The following CDC37 variants were observed in gnomAD, a reference collection of about 807,000 sequenced individuals.
The protein encoded by CDC37 is cell division cycle 37, HSP90 cochaperone.
Under a neutral mutation model 46.9 loss-of-function variants are expected in CDC37, and 9 were observed. The observed-to-expected ratio is 0.19, with a 90% CI of 0.12 to 0.33. The LOEUF (loss-of-function observed/expected upper bound fraction) is 0.33. Ranked by LOEUF, CDC37 falls within the 10% of genes least tolerant of loss-of-function variation. The probability of loss-of-function intolerance (pLI) is 1.00; values close to 1 mark genes in which losing one functional copy is unlikely to be tolerated. For synonymous variants in CDC37, 193 were observed against 191.0 expected, an observed-to-expected ratio of 1.01 and a Z score of -0.09; for missense variants, 388 against 514.6, an observed-to-expected ratio of 0.75 and a Z score of 2.38.
intron 1 of CDC37, among the ~76,000 whole-genome samples, chr19:10,397,484 C>T (rs898717995): frequency 6.9e-6 from 1 of 144,832 alleles, no homozygotes; most frequent in Non-Finnish European, 1.5e-5. Flanking sequence ...GATCTTGGCT[C>T]ACTGCAACCT....
At position 10,395,411 on chromosome 19, in the gene CDC37, C is replaced by T. The variant is rs755937670; in HGVS notation, c.487+24G>A. The T allele has an allele frequency of 2.5e-6, 4 of 1,608,920 alleles. No individual in the cohort carries two copies. In the African/African-American group the frequency reaches 4.0e-5, roughly 16 times the overall value. On this transcript the variant is annotated intron_variant, in intron 3 of 7. Coordinates refer to ENST00000222005, the MANE Select transcript of CDC37 (RefSeq NM_007065.4). Reference sequence around the variant, plus strand: ...AAAGGGCCTGCCTCGACCTTGCCCCCCATAACCCACAAGCCCCACTCACCA... The same window carrying T: ...AAAGGGCCTGCCTCGACCTTGCCCCTCATAACCCACAAGCCCCACTCACCA...
chr19:10,391,613 G>A lies in CDC37; in HGVS notation c.1075C>T (p.Pro359Ser). The change falls in exon 8 of 8, where the codon CCT (proline) becomes TCT (serine). Residue 359 changes from proline to serine, a missense_variant. Around this residue, in one of 2 missense-constraint regions of CDC37, gnomAD observed 374 missense variants for 467.4 expected, o/e 0.80. Coordinates refer to ENST00000222005, the MANE Select transcript of CDC37 (RefSeq NM_007065.4). ...ACAGCTTCCAGTAATGGGTCCCCAGGACCTGCCTCCTCTCCCTCCTTGGCC... is the reference window on the plus strand; with the variant it reads ...ACAGCTTCCAGTAATGGGTCCCCAGAACCTGCCTCCTCTCCCTCCTTGGCC... ...SEAKEGEEAGPGDPLLEAVPK... is the reference protein window; with the variant it reads ...SEAKEGEEAGSGDPLLEAVPK... 1 of 1,614,214 alleles carries A rather than the reference G, an allele frequency of 6.2e-7. No homozygotes were observed.
Position 10,391,523 on chromosome 19 carries a change from A to T in CDC37, c.*28T>A. On this transcript the variant is annotated 3_prime_UTR_variant, in exon 8 of 8. Coordinates refer to ENST00000222005, the MANE Select transcript of CDC37 (RefSeq NM_007065.4). The stretch of plus-strand genomic sequence containing the variant: ...GAAAAGGGGCACATAGGGGCCTGGA[A>T]GCAGGTGGCGGTGGTAGCTGGGGCA... The T allele has an allele frequency of 6.2e-7, 1 of 1,613,770 alleles. No homozygotes were observed. The highest frequency in any genetic ancestry group is 1.3e-5 in the African/African-American group (1 of 75,052).
At chr19:10,403,044 G>T (rs1358348591) in intron 1 of CDC37, among the ~76,000 whole-genome samples, 1 of 152,086 alleles carries the variant, frequency 6.6e-6, no homozygotes, top group East Asian at 1.9e-4. Flanking sequence ...AAACTTTGAG[G>T]CAGAGTTCTG....
rs764354187 is a variant in CDC37, at chr19:10,393,208, G to A, written c.909+51C>T. The stretch of plus-strand genomic sequence containing the variant: ...AGGGGCTGGGTCCCTGTGGCCCTGG[G>A]GGGTCCCGCTCAGGGTCTTCCTGCT... On this transcript the variant is annotated intron_variant, in intron 6 of 7. Coordinates refer to ENST00000222005, the MANE Select transcript of CDC37 (RefSeq NM_007065.4). This position sits in a 1 kb window ranked among gnomAD's most constrained non-coding sequence, Gnocchi z 4.9. 1.2e-6 allele frequency: 2 copies of A among 1,612,356 alleles called. No individual in the cohort carries two copies. Among genetic ancestry groups the A allele is most frequent in the Non-Finnish European group, 1.7e-6 (2 of 1,178,682 alleles).
chr19:10,393,155 T>A lies in CDC37; in HGVS notation c.912A>T (p.Glu304Asp). The A allele has an allele frequency of 6.2e-7, 1 of 1,613,798 alleles. No homozygotes were observed. Among genetic ancestry groups the A allele is most frequent in the African/African-American group, 1.3e-5 (1 of 74,944 alleles). ...CCTTCACATCGAAGCACTTCTGGAG[T>A]TCCTGGGGGTACAGAGGGGCTGGGG... is the stretch of plus-strand genomic sequence containing the variant. Reference protein sequence around the residue: ...PVEVYESLPEELQKCFDVKDV... With the variant: ...PVEVYESLPEDLQKCFDVKDV... The change falls in exon 7 of 8, where the codon GAA (glutamate) becomes GAT (aspartate). Residue 304 changes from glutamate to aspartate, a missense_variant and splice_region_variant. Physicochemically the swap from Glu to Asp is conservative, Grantham distance 45 (BLOSUM62 2). Coordinates refer to ENST00000222005, the MANE Select transcript of CDC37 (RefSeq NM_007065.4). The surrounding 1 kb of genome is among the most constrained non-coding windows in gnomAD (Gnocchi z 4.9).
chr19:10,397,415 C>CTTT (rs933052804), intron 1 of CDC37, among the ~76,000 whole-genome samples: 164 of 86,816 alleles, frequency 1.9e-3, no homozygotes, highest in African/African-American at 2.7e-3. Context: ...CCAAGCCTGG[C>CTTT]TTTTTTTTTT....
At chr19:10,394,141 G>C (rs184552398) in intron 5 of CDC37, among the ~76,000 whole-genome samples, 118 of 152,240 alleles carry the variant, frequency 7.8e-4, no homozygotes, top group Non-Finnish European at 1.5e-3. Flanking sequence ...GCAGGCACCT[G>C]TAATCCCAGC....
In CDC37 at chr19:10,395,605, C is replaced by T. The variant is rs765155914; in HGVS notation, c.379-62G>A. On this transcript the variant is annotated intron_variant, in intron 2 of 7. Coordinates refer to ENST00000222005, the MANE Select transcript of CDC37 (RefSeq NM_007065.4). ...GGCTGCGGAGCGCCTCGAGCGCGGCCGGGCGGGCCGTGGTCGCAGCGCCCA... is the reference window on the plus strand; with the variant it reads ...GGCTGCGGAGCGCCTCGAGCGCGGCTGGGCGGGCCGTGGTCGCAGCGCCCA... 7 of 1,316,948 alleles carry T rather than the reference C, an allele frequency of 5.3e-6. No homozygotes were observed. In the East Asian group the frequency reaches 1.2e-4, roughly 22 times the overall value. 81.6% of individuals were successfully genotyped at this position (1,316,948 alleles called of 1,614,324 possible).
At chr19:10,402,925 C>G (rs527646141) in intron 1 of CDC37, among the ~76,000 whole-genome samples, 1 of 151,418 alleles carries the variant, frequency 6.6e-6, no homozygotes, top group South Asian at 2.1e-4. Flanking sequence ...CCGGGACAGA[C>G]CAAAGTATTG....
chr19:10,391,434 G>A lies in CDC37; in HGVS notation c.*117C>T. On this transcript the variant is annotated 3_prime_UTR_variant, in exon 8 of 8. Transcript: ENST00000222005. ...AGGGAGGGCTGGGCGGGCCCCCCAG[G>A]CTGGGCCGAGCAGCGCAAGTAGAGG... The A allele has an allele frequency of 7.6e-7, 1 of 1,316,654 alleles. No individual in the cohort carries two copies. 81.6% of individuals were successfully genotyped at this position (1,316,654 alleles called of 1,614,324 possible). A position where few individuals can be genotyped will look rare whatever the true frequency, so the allele number is the denominator to read the frequency against.
At chr19:10,401,276 G>A (rs1419720148) in intron 1 of CDC37, among the ~76,000 whole-genome samples, 1 of 152,176 alleles carries the variant, frequency 6.6e-6, no homozygotes, top group Non-Finnish European at 1.5e-5. Context: ...GCAAGAGGTG[G>A]GGCTAGGATT....
In CDC37 at chr19:10,395,302, C is replaced by A; in HGVS notation, c.529G>T (p.Asp177Tyr). The A allele has an allele frequency of 6.2e-7, 1 of 1,614,210 alleles. No homozygotes were observed. Among genetic ancestry groups the A allele is most frequent in the Non-Finnish European group, 8.5e-7 (1 of 1,180,026 alleles). Residue 177 changes from aspartate to tyrosine, a missense_variant, in exon 4 of 8, where the codon GAC (aspartate) becomes TAC (tyrosine). Physicochemically the swap from Asp to Tyr is radical, Grantham distance 160. Around this residue, in one of 2 missense-constraint regions of CDC37, gnomAD observed 374 missense variants for 467.4 expected, o/e 0.80. Transcript: ENST00000222005. ...RWDDSQKYLS[D>Y]NVHLVCEETA... ...TCCTCGCACACCAGGTGGACGTTGT[C>A]TGACAGGTACTTTTGGCTGTCATCC... is the stretch of plus-strand genomic sequence containing the variant.
intron 1 of CDC37, among the ~76,000 whole-genome samples, chr19:10,402,486 G>A (rs560548239): frequency 6.6e-6 from 1 of 152,138 alleles, no homozygotes; most frequent in African/African-American, 2.4e-5. Flanking sequence ...TTCTGGGCTT[G>A]AGTTAGGGGA....
rs1021694274 is a variant in CDC37 at position 10,391,816 on chromosome 19, C to T, written c.982-110G>A. 54 of 1,155,750 alleles carry T rather than the reference C, an allele frequency of 4.7e-5. 1 individual carries two copies. Among genetic ancestry groups the T allele is most frequent in the Non-Finnish European group, 6.1e-5 (50 of 819,054 alleles). The allele number at this position is 1,155,750 out of a possible 1,614,324, so 71.6% of individuals were successfully genotyped here. A position where few individuals can be genotyped will look rare whatever the true frequency, so the allele number is the denominator to read the frequency against. Reference sequence around the variant, plus strand: ...TGGCTTCCTGCCTATTGATATTTTACCTATTTGAGACGGAGTCTCACTCTG... The same window carrying T: ...TGGCTTCCTGCCTATTGATATTTTATCTATTTGAGACGGAGTCTCACTCTG... On this transcript the variant is annotated intron_variant, in intron 7 of 7. Coordinates refer to ENST00000222005, the MANE Select transcript of CDC37 (RefSeq NM_007065.4).
intron 5 of CDC37, among the ~76,000 whole-genome samples, chr19:10,394,159 G>C (rs1388122047): frequency 6.6e-6 from 1 of 152,152 alleles, no homozygotes. Context: ...AGCTACTTGG[G>C]AGGCTGAAGC....
chr19:10,402,767 G>A (rs569279779), intron 1 of CDC37, among the ~76,000 whole-genome samples: 3 of 152,114 alleles, frequency 2.0e-5, no homozygotes, highest in Non-Finnish European at 4.4e-5. Context: ...CCTGAAGGGG[G>A]ACGGTTCTAC....
intron 2 of CDC37, 25 bp downstream of exon 2, chr19:10,395,903 T>TACCCC: frequency 6.4e-7 from 1 of 1,573,926 alleles, no homozygotes; most frequent in Admixed American, 1.7e-5. Context: ...GCATGCGCAC[T>TACCCC]GCCCGCCCCG....
intron 1 of CDC37, among the ~76,000 whole-genome samples, chr19:10,401,892 C>T (rs541438109): frequency 2.5e-3 from 376 of 152,150 alleles, no homozygotes; most frequent in Non-Finnish European, 4.5e-3. Context: ...CGGTGGCTCA[C>T]GCCTGTAATC....
Sources: gnomAD v4.1 joint callset for allele counts (sites outside exome capture counted in the v4.1 genomes callset) on GRCh38, gnomAD v4.1.1 for gene constraint, gnomAD v4.1.1 regional missense constraint, Gnocchi (gnomAD v3.1) non-coding constraint, MANE v1.5 for transcripts, NCBI Gene and HGNC (gene_info 2026-07-23, HGNC 2026-07-21) for gene names.